The following BCL9 variants were observed in gnomAD, a reference collection of about 807,000 sequenced individuals.
The protein encoded by BCL9 is BCL9 transcription coactivator.
A neutral mutation model predicts 88.5 loss-of-function variants in BCL9; 25 were observed. That is an observed-to-expected ratio of 0.28 (90% confidence interval 0.21 to 0.39). The LOEUF is 0.39. Ranked by LOEUF, BCL9 falls within the 10% of genes least tolerant of loss-of-function variation. The probability of loss-of-function intolerance (pLI) is 1.00; values close to 1 mark genes in which losing one functional copy is unlikely to be tolerated. For synonymous variants in BCL9, 711 were observed against 673.3 expected (o/e 1.06, Z -0.87); for missense variants, 1,817 against 1,877.8 (o/e 0.97, Z 0.60).
At chr1:147,610,422 T>C (rs1228482242) in intron 3 of BCL9, among the ~76,000 whole-genome samples, 4 of 152,204 alleles carry the variant, frequency 2.6e-5, no homozygotes, top group African/African-American at 4.8e-5. Context: ...GATTTCTAAA[T>C]GAAGAAATAG....
intron 1 of BCL9, among the ~76,000 whole-genome samples, chr1:147,556,637 C>T (rs1655129040): frequency 6.6e-6 from 1 of 151,678 alleles, no homozygotes; most frequent in Admixed American, 6.6e-5. Context: ...TTTGTAGAGA[C>T]AGGGTCTCAT....
chr1:147,567,021 A>G (rs183109249), intron 1 of BCL9, among the ~76,000 whole-genome samples: 5 of 152,218 alleles, frequency 3.3e-5, no homozygotes, highest in African/African-American at 2.4e-5. Flanking sequence ...GGGAAGCTTA[A>G]TAGGAGGACA....
chr1:147,560,424 T>A (rs1175745932), intron 1 of BCL9, among the ~76,000 whole-genome samples: 1 of 151,576 alleles, frequency 6.6e-6, no homozygotes, highest in Non-Finnish European at 1.5e-5. Flanking sequence ...ACCCCCTCTC[T>A]ACTAAAAATA....
chr1:147,580,810 T>C (rs1265549324), intron 1 of BCL9, among the ~76,000 whole-genome samples: 3 of 152,220 alleles, frequency 2.0e-5, no homozygotes, highest in Non-Finnish European at 4.4e-5. Context: ...ATTCCTCTAA[T>C]AGCCACCATA....
intron 1 of BCL9, among the ~76,000 whole-genome samples, chr1:147,573,513 G>C (rs1262374322): frequency 3.9e-5 from 6 of 152,186 alleles, no homozygotes; most frequent in Admixed American, 1.3e-4. Flanking sequence ...AGTTCCTTCA[G>C]TTACAAAAGG....
chr1:147,585,998 T>A lies in BCL9; in HGVS notation c.-477-18779T>A, dbSNP rs587611480. On this transcript the variant is annotated intron_variant, in intron 1 of 9. Transcript: ENST00000234739. ...CTGCTCTCAGCCCACGAGTACCACCTGTGCTCCATCCTGTATCCCACTAAC... is the reference window on the plus strand; with the variant it reads ...CTGCTCTCAGCCCACGAGTACCACCAGTGCTCCATCCTGTATCCCACTAAC... 2.6e-5 allele frequency among the ~76,000 whole-genome samples: 4 copies of A among 152,282 alleles called. No individual in the cohort carries two copies. The South Asian group carries it at 8.3e-4, about 32-fold the overall frequency.
chr1:147,612,730 T>TG (rs1426240541), intron 4 of BCL9, among the ~76,000 whole-genome samples, 153 bp from the exon 5 acceptor site: 2 of 151,978 alleles, frequency 1.3e-5, no homozygotes, highest in African/African-American at 4.8e-5. Context: ...GGATCAGGGG[T>TG]GGCGGGAGCA....
intron 1 of BCL9, among the ~76,000 whole-genome samples, chr1:147,571,738 G>A (rs1422239814): frequency 6.6e-6 from 1 of 152,142 alleles, no homozygotes; most frequent in Non-Finnish European, 1.5e-5. Context: ...AAGAAAAGCT[G>A]GACCTGCTGA....
intron 7 of BCL9, among the ~76,000 whole-genome samples, chr1:147,617,795 A>C (rs1306502153): frequency 6.7e-6 from 1 of 150,218 alleles, no homozygotes; most frequent in Non-Finnish European, 1.5e-5. Context: ...ATGAACACGG[A>C]AAAAAGGGTC....
At chr1:147,553,370 T>A (rs1320820128) in intron 1 of BCL9, among the ~76,000 whole-genome samples, 1 of 152,240 alleles carries the variant, frequency 6.6e-6, no homozygotes, top group Non-Finnish European at 1.5e-5. Context: ...AATGTCACAT[T>A]CTGCACGGTC....
intron 1 of BCL9, among the ~76,000 whole-genome samples, chr1:147,570,015 C>T (rs1386342454): frequency 6.6e-6 from 1 of 152,154 alleles, no homozygotes; most frequent in African/African-American, 2.4e-5. Context: ...CTCTGTGGGA[C>T]ATCTTGATGG....
rs1366012660 is a variant in BCL9, at chr1:147,612,865, G to GT, written c.54-16dup. 1.9e-6 allele frequency: 3 copies of GT among 1,611,630 alleles called. No homozygotes were observed. In the African/African-American group the frequency reaches 4.0e-5, roughly 22 times the overall value. ...TGTATCTGGTGTCTGATCTTCCTTTGTTATTTGTTTCTTTTAGTAGCCCTA... is the reference window on the plus strand; with the variant it reads ...TGTATCTGGTGTCTGATCTTCCTTTGTTTATTTGTTTCTTTTAGTAGCCCTA... On this transcript the variant is annotated splice_polypyrimidine_tract_variant and intron_variant, in intron 4 of 9. Transcript: ENST00000234739.
At chr1:147,591,487 T>G (rs1451213691) in intron 1 of BCL9, among the ~76,000 whole-genome samples, 13 of 152,220 alleles carry the variant, frequency 8.5e-5, no homozygotes, top group Admixed American at 8.5e-4. Flanking sequence ...TGCAAAACAG[T>G]TGAGGGAGAG....
At position 147,614,359 on chromosome 1, in the gene BCL9, A is replaced by T. The variant is rs76207549; in HGVS notation, c.371-68A>T. 1.3e-3 allele frequency: 1,995 copies of T among 1,493,644 alleles called. 69 individuals are homozygous for T. In the East Asian group the frequency reaches 0.028, roughly 21 times the overall value. The allele number at this position is 1,493,644 out of a possible 1,614,324, so 92.5% of individuals were successfully genotyped here. On this transcript the variant is annotated intron_variant, in intron 5 of 9. Coordinates refer to ENST00000234739, the MANE Select transcript of BCL9 (RefSeq NM_004326.4). ...ATTCTCAAGGTGGGTTTGTGTTGTG[A>T]TGCTATATATGCTGGCAGAAGAAAG...
rs991328720 is a variant in BCL9 at position 147,608,400 on chromosome 1, A to G, written c.-260+1534A>G. Among the ~76,000 whole-genome samples the G allele has an allele frequency of 2.8e-5, 4 of 142,026 alleles. No homozygotes were observed. The East Asian group carries it at 6.1e-4, about 22-fold the overall frequency. The allele number at this position is 142,026 out of a possible 152,430, so 93.2% of individuals were successfully genotyped here. A position where few individuals can be genotyped will look rare whatever the true frequency, so the allele number is the denominator to read the frequency against. ...TCTGAATGCTGATTGGAAAGATCCA[A>G]CAGACAGAGGGGATGGCCAGAGGGG... On this transcript the variant is annotated intron_variant, in intron 3 of 9. Coordinates refer to ENST00000234739, the MANE Select transcript of BCL9 (RefSeq NM_004326.4).
chr1:147,571,776 G>T (rs1655898004), intron 1 of BCL9, among the ~76,000 whole-genome samples: 1 of 152,174 alleles, frequency 6.6e-6, no homozygotes, highest in South Asian at 2.1e-4. Context: ...GATAACACAG[G>T]AAGAGGAGAG....
chr1:147,620,410 C>T lies in BCL9; in HGVS notation c.2255C>T (p.Pro752Leu). The part of the protein sequence containing the change: ...AGPEEMLKLR[P>L]GGSDMLPAQQ... ...CCTGAGGAGATGCTGAAATTACGCC[C>T]AGGTGGCTCAGACATGCTGCCTGCT... is the stretch of plus-strand genomic sequence containing the variant. Residue 752 changes from proline to leucine, a missense_variant, in exon 8 of 10, where the codon CCA (proline) becomes CTA (leucine). Pro to Leu is a moderately conservative substitution (Grantham distance 98, BLOSUM62 -3). Coordinates refer to ENST00000234739, the MANE Select transcript of BCL9 (RefSeq NM_004326.4). 1.9e-6 allele frequency: 3 copies of T among 1,613,984 alleles called. No homozygotes were observed. The highest frequency in any genetic ancestry group is 2.5e-6 in the Non-Finnish European group (3 of 1,179,974).
Position 147,614,490 on chromosome 1 carries a change from C to T in BCL9, c.434C>T (p.Pro145Leu). The T allele has an allele frequency of 6.2e-7, 1 of 1,614,102 alleles. No homozygotes were observed. The highest frequency in any genetic ancestry group is 8.5e-7 in the Non-Finnish European group (1 of 1,179,990). ...CAGCACACACCACACTCGATGACCC[C>T]ATCAAATGCTACAGCCCCCAGGTCT... ...DSQHTPHSMT[P>L]SNATAPRSST... Residue 145 changes from proline (P) to leucine (L), a missense_variant, in exon 6 of 10, where the codon CCA (proline) becomes CTA (leucine). Pro to Leu is a moderately conservative substitution (Grantham distance 98). Around this residue, in one of 2 missense-constraint regions of BCL9, gnomAD observed 1,228 missense variants for 1,191.6 expected, o/e 1.03. Coordinates refer to ENST00000234739, the MANE Select transcript of BCL9 (RefSeq NM_004326.4).
chr1:147,611,956 C>G lies in BCL9; in HGVS notation c.53+67C>G, dbSNP rs112826468. 6.8e-6 allele frequency: 10 copies of G among 1,461,264 alleles called. 1 individual carries two copies. In the African/African-American group the frequency reaches 9.8e-5, roughly 14 times the overall value. 90.5% of individuals were successfully genotyped at this position (1,461,264 alleles called of 1,614,324 possible). A position where few individuals can be genotyped will look rare whatever the true frequency, so the allele number is the denominator to read the frequency against. On this transcript the variant is annotated intron_variant, in intron 4 of 9. Coordinates refer to ENST00000234739, the MANE Select transcript of BCL9 (RefSeq NM_004326.4). ...ATGCCATAGGCACATCATGAACACT[C>G]ATTGGTGAAACAGTATGTTGAATTA...
Sources: allele counts gnomAD v4.1 joint callset (sites outside exome capture counted in the v4.1 genomes callset), GRCh38; gene constraint gnomAD v4.1.1; regional missense constraint gnomAD v4.1.1; transcripts MANE v1.5; gene names NCBI Gene and HGNC (gene_info 2026-07-23, HGNC 2026-07-21).